Variants in ABR observed in about 807,000 individuals in gnomAD.
The protein encoded by ABR is ABR activator of RhoGEF and GTPase, also known as active breakpoint cluster region-related protein.
A neutral mutation model predicts 107.2 loss-of-function variants in ABR; 35 were observed. That is an observed-to-expected ratio of 0.33 (90% CI 0.25 to 0.43). The LOEUF (loss-of-function observed/expected upper bound fraction) is 0.43. ABR is among the 20% of genes least tolerant of loss of function. The pLI, the probability that ABR is intolerant of heterozygous loss-of-function variation, is 1.00. For missense variants in ABR, 815 were observed against 1,115.2 expected, an observed-to-expected ratio of 0.73 and a Z score of 3.83; for synonymous variants, 498 against 462.0, an observed-to-expected ratio of 1.08 and a Z score of -1.00.
At chr17:1,081,235 C>T (rs2036216418) in intron 5 of ABR, among the ~76,000 whole-genome samples, 1 of 152,160 alleles carries the variant, frequency 6.6e-6, no homozygotes, top group African/African-American at 2.4e-5. Context: ...ATTTCTCCAG[C>T]CCCTTTTATT....
Position 1,092,631 on chromosome 17 carries a change from C to T in ABR, c.346-781G>A, listed in dbSNP as rs919526343. ...GCAGTGGGACCGTGGGATAACGGGA[C>T]GTGCAGGCATTTCCTCAGTGTGGTT... On this transcript the variant is annotated intron_variant, in intron 3 of 22. Coordinates refer to ENST00000302538, the MANE Select transcript of ABR (RefSeq NM_021962.5). This position sits in a 1 kb window ranked among gnomAD's most constrained non-coding sequence, Gnocchi z 4.6. Among the ~76,000 whole-genome samples, 4 of 151,968 alleles carry T rather than the reference C, an allele frequency of 2.6e-5. No homozygotes were observed. Among genetic ancestry groups the T allele is most frequent in the African/African-American group, 9.7e-5 (4 of 41,376 alleles).
intron 16 of ABR, among the ~76,000 whole-genome samples, chr17:1,049,546 T>C (rs1230088119): frequency 6.6e-6 from 1 of 152,064 alleles, no homozygotes; most frequent in Non-Finnish European, 1.5e-5. Context: ...CCAACGCAGC[T>C]GAGTAAGGTC....
At chr17:1,213,416 G>C (rs1272038028) in intron 1 of ABR, among the ~76,000 whole-genome samples, 1 of 152,158 alleles carries the variant, frequency 6.6e-6, no homozygotes, top group Non-Finnish European at 1.5e-5. Context: ...TTGAGACGGA[G>C]TCTCGCTCTG....
chr17:1,043,501 ATGTATATT>A (rs2031017076), intron 16 of ABR, among the ~76,000 whole-genome samples: 1 of 151,200 alleles, frequency 6.6e-6, no homozygotes, highest in South Asian at 2.2e-4. Context: ...ACTTTATGTT[ATGTATATT>A]TCACTACAAT....
chr17:1,053,785 C>A (rs1424158267), intron 14 of ABR, among the ~76,000 whole-genome samples: 1 of 152,100 alleles, frequency 6.6e-6, no homozygotes, highest in East Asian at 1.9e-4. Flanking sequence ...GAGGCGAGGA[C>A]CTCCCGGCCA....
At chr17:1,109,083 G>A (rs922062735) in intron 2 of ABR, 1 of 1,592,474 alleles carries the variant, frequency 6.3e-7, no homozygotes, top group Non-Finnish European at 8.5e-7. Flanking sequence ...GCCGGAGCCC[G>A]CGGAGGGCAG....
intron 9 of ABR, 37 bp from the exon 10 acceptor site, chr17:1,067,279 A>T: frequency 6.5e-7 from 1 of 1,529,640 alleles, no homozygotes; most frequent in Non-Finnish European, 8.8e-7. Flanking sequence ...AGCCAGAGGG[A>T]GCCTGGCTCT....
chr17:1,038,842 T>G (rs562494318), intron 16 of ABR, among the ~76,000 whole-genome samples: 24 of 152,342 alleles, frequency 1.6e-4, no homozygotes, highest in African/African-American at 5.8e-4. Context: ...CTCTTGAAGC[T>G]TTCAGAAAAC....
intron 1 of ABR, among the ~76,000 whole-genome samples, chr17:1,196,128 CAAAA>C (rs71148443): frequency 2.4e-5 from 3 of 123,888 alleles, no homozygotes; most frequent in East Asian, 2.3e-4. Flanking sequence ...GATTCTGTCT[CAAAA>C]AAAAAAAAAA....
intron 2 of ABR, among the ~76,000 whole-genome samples, chr17:1,114,899 G>C (rs1033412413): frequency 2.6e-5 from 4 of 152,196 alleles, no homozygotes; most frequent in Non-Finnish European, 5.9e-5. Context: ...AATATTTACT[G>C]AGCACCTACT....
Position 1,070,113 on chromosome 17 carries a change from C to T in ABR, c.895-23G>A. ...CGTCTGAGGGAGATGGCAGACCCCCCAGCCTGCTCAGAGGGGAATGCGGCC... is the reference window on the plus strand; with the variant it reads ...CGTCTGAGGGAGATGGCAGACCCCCTAGCCTGCTCAGAGGGGAATGCGGCC... On this transcript the variant is annotated intron_variant, in intron 8 of 22. Coordinates refer to ENST00000302538, the MANE Select transcript of ABR (RefSeq NM_021962.5). This position sits in a 1 kb window ranked among gnomAD's most constrained non-coding sequence, Gnocchi z 4.2. The T allele has an allele frequency of 6.2e-7, 1 of 1,613,058 alleles. No homozygotes were observed. The highest frequency in any genetic ancestry group is 2.2e-5 in the East Asian group (1 of 44,810).
intron 1 of ABR, among the ~76,000 whole-genome samples, chr17:1,149,485 T>C (rs1341886313): frequency 6.7e-6 from 1 of 149,692 alleles, no homozygotes; most frequent in Non-Finnish European, 1.5e-5. Context: ...AGTGCGGTGG[T>C]GTGATCTCAG....
chr17:1,144,759 T>C (rs2040461544), intron 1 of ABR, among the ~76,000 whole-genome samples: 1 of 151,956 alleles, frequency 6.6e-6, no homozygotes. Flanking sequence ...CTGGGTGCAG[T>C]GGCTTCTGCC....
At chr17:1,189,490 G>A (rs577249564), upstream of ABR, among the ~76,000 whole-genome samples, 10 of 152,068 alleles carry the variant, frequency 6.6e-5, no homozygotes, top group East Asian at 1.7e-3. Flanking sequence ...CTGCTGTCGG[G>A]ATAGAGACCC....
intron 6 of ABR, among the ~76,000 whole-genome samples, chr17:1,076,716 G>GC (rs1378493325): frequency 1.0e-5 from 1 of 99,546 alleles, no homozygotes; most frequent in Non-Finnish European, 2.1e-5. Context: ...CAGGTGCACG[G>GC]GGGGGGTGGG....
intron 3 of ABR, among the ~76,000 whole-genome samples, chr17:1,099,604 G>T (rs192676807): frequency 1.3e-5 from 2 of 152,336 alleles, no homozygotes; most frequent in East Asian, 3.9e-4. Flanking sequence ...CCAAAAGAAA[G>T]ATTGACACGC....
intron 5 of ABR, among the ~76,000 whole-genome samples, chr17:1,081,670 G>A (rs1051705095): frequency 3.9e-5 from 6 of 152,104 alleles, no homozygotes; most frequent in South Asian, 2.1e-4. Flanking sequence ...TCCACCTCCC[G>A]GGTTCAAGAG....
chr17:1,050,269 G>C lies in ABR; in HGVS notation c.1660-88C>G. On this transcript the variant is annotated intron_variant, in intron 15 of 22. Coordinates refer to ENST00000302538, the MANE Select transcript of ABR (RefSeq NM_021962.5). This position sits in a 1 kb window ranked among gnomAD's most constrained non-coding sequence, Gnocchi z 4.6. ...GGTGCGTGCCTCAGCTTTGCAAGGAGGAGGGAGTAAGCACGGCCCACGAAG... is the reference window on the plus strand; with the variant it reads ...GGTGCGTGCCTCAGCTTTGCAAGGACGAGGGAGTAAGCACGGCCCACGAAG... 1 of 1,508,472 alleles carries C rather than the reference G, an allele frequency of 6.6e-7. No individual in the cohort carries two copies. Among genetic ancestry groups the C allele is most frequent in the Non-Finnish European group, 8.9e-7 (1 of 1,121,500 alleles). 93.4% of individuals were successfully genotyped at this position (1,508,472 alleles called of 1,614,324 possible). A position where few individuals can be genotyped will look rare whatever the true frequency, so the allele number is the denominator to read the frequency against.
intron 16 of ABR, among the ~76,000 whole-genome samples, chr17:1,041,818 G>A (rs2030559168): frequency 6.6e-6 from 1 of 152,180 alleles, no homozygotes; most frequent in Non-Finnish European, 1.5e-5. Context: ...GCGGCCTCAG[G>A]GTGACTGCGT....
Sources: allele counts gnomAD v4.1 joint callset (sites outside exome capture counted in the v4.1 genomes callset), GRCh38; gene constraint gnomAD v4.1.1; non-coding constraint Gnocchi (gnomAD v3.1); transcripts MANE v1.5; gene names NCBI Gene and HGNC (gene_info 2026-07-23, HGNC 2026-07-21).